Variants in LINGO2 observed in about 807,000 individuals in gnomAD.
The protein encoded by LINGO2 is leucine rich repeat and Ig domain containing 2.
LINGO2 carries 14 observed loss-of-function variants against 30.6 expected under a neutral mutation model. That is an observed-to-expected ratio of 0.46 (90% CI 0.30 to 0.72). The LOEUF is 0.72. Ranked by LOEUF, LINGO2 falls within the 30% of genes least tolerant of loss-of-function variation. LINGO2 has a pLI of 0.07. For missense variants in LINGO2, 729 were observed against 751.7 expected, an observed-to-expected ratio of 0.97 and a Z score of 0.35; for synonymous variants, 317 against 288.5, an observed-to-expected ratio of 1.10 and a Z score of -1.00.
At chr9:28,700,698 A>G in the LINGO2 span, among the ~76,000 whole-genome samples, 1 of 152,150 alleles carries the variant, frequency 6.6e-6, no homozygotes, top group Non-Finnish European at 1.5e-5. Context: ...GTATGGTAAG[A>G]TATGTTTCAT....
the LINGO2 span, among the ~76,000 whole-genome samples, chr9:28,801,206 C>T: frequency 6.6e-6 from 1 of 151,984 alleles, no homozygotes; most frequent in Admixed American, 6.6e-5. Context: ...AATGGTGAGG[C>T]TTAGAGATTT....
chr9:28,671,494 T>C (rs1829007372), upstream of LINGO2, among the ~76,000 whole-genome samples: 1 of 130,270 alleles, frequency 7.7e-6, no homozygotes, highest in Non-Finnish European at 1.6e-5. Context: ...TGGACAGAGC[T>C]GGAGGCCATT....
upstream of LINGO2, among the ~76,000 whole-genome samples, chr9:28,670,705 T>A (rs1015694172): frequency 6.6e-6 from 1 of 152,154 alleles, no homozygotes; most frequent in Non-Finnish European, 1.5e-5. Flanking sequence ...TTTTAGCAAA[T>A]ATCCTTACTT....
the LINGO2 span, among the ~76,000 whole-genome samples, chr9:29,173,879 T>G: frequency 6.6e-6 from 1 of 152,234 alleles, no homozygotes; most frequent in East Asian, 1.9e-4. Flanking sequence ...AGAGTAAATT[T>G]GTACCTTATT....
At position 28,357,324 on chromosome 9, in the gene LINGO2, C is replaced by G. The variant is rs1013884581; in HGVS notation, c.-246+15512G>C. 8.9e-5 allele frequency among the ~76,000 whole-genome samples: 13 copies of G among 146,066 alleles called. 1 individual carries two copies. The East Asian group carries it at 1.1e-3, about 12-fold the overall frequency. On this transcript the variant is annotated intron_variant, in intron 3 of 5. Coordinates refer to ENST00000379992, the Ensembl canonical transcript of LINGO2. ...CAGATACAGAAATAAAGCCCACCCC[C>G]CCCAAAAAAGAAAGCACCAATACTT...
chr9:28,600,445 G>T (rs1824652165), intron 1 of LINGO2, among the ~76,000 whole-genome samples: 1 of 151,980 alleles, frequency 6.6e-6, no homozygotes, highest in Admixed American at 6.6e-5. Flanking sequence ...CCTAGAAAAA[G>T]GAAGCAATGT....
intron 1 of LINGO2, among the ~76,000 whole-genome samples, chr9:28,479,531 G>A (rs964753485): frequency 6.6e-6 from 1 of 151,778 alleles, no homozygotes; most frequent in Non-Finnish European, 1.5e-5. Context: ...TACTGCCAAA[G>A]ATCTTTCTGA....
chr9:29,213,364 G>C, the LINGO2 span, among the ~76,000 whole-genome samples: 5 of 152,258 alleles, frequency 3.3e-5, no homozygotes, highest in African/African-American at 9.6e-5. Context: ...AGGCGGAAAG[G>C]TGTAAGAAGA....
intron 1 of LINGO2, among the ~76,000 whole-genome samples, chr9:28,574,477 C>T (rs920701966): frequency 6.6e-6 from 1 of 152,106 alleles, no homozygotes; most frequent in South Asian, 2.1e-4. Context: ...GTCTATGACA[C>T]TAATGTTGTT....
chr9:28,357,686 A>G (rs1394448217), intron 3 of LINGO2, among the ~76,000 whole-genome samples: 3 of 152,106 alleles, frequency 2.0e-5, no homozygotes, highest in Admixed American at 6.6e-5. Flanking sequence ...TCAACTAATA[A>G]TGAGGCATCA....
chr9:27,943,691 C>A (rs1246685503), downstream of LINGO2: 2 of 151,276 alleles, frequency 1.3e-5, no homozygotes, highest in Non-Finnish European at 1.5e-5. Context: ...AAGACTTATC[C>A]CTGGAGAGAG....
the LINGO2 span, among the ~76,000 whole-genome samples, chr9:28,990,205 C>T: frequency 2.0e-5 from 3 of 152,212 alleles, no homozygotes; most frequent in African/African-American, 7.2e-5. Context: ...AGATTATATC[C>T]CGCATCCGGC....
At chr9:28,577,016 C>G (rs1259660110) in intron 1 of LINGO2, among the ~76,000 whole-genome samples, 1 of 152,090 alleles carries the variant, frequency 6.6e-6, no homozygotes. Flanking sequence ...GCCTTTAACC[C>G]CCAAACTGCC....
At chr9:29,079,468 A>G in the LINGO2 span, among the ~76,000 whole-genome samples, 1 of 152,020 alleles carries the variant, frequency 6.6e-6, no homozygotes, top group African/African-American at 2.4e-5. Flanking sequence ...TGTGATATTA[A>G]TATCTAGATA....
chr9:29,045,993 G>T, the LINGO2 span, among the ~76,000 whole-genome samples: 3 of 152,116 alleles, frequency 2.0e-5, no homozygotes, highest in Non-Finnish European at 4.4e-5. Context: ...TTTGTATCCT[G>T]CAACTTTGCT....
chr9:29,119,335 A>G, the LINGO2 span, among the ~76,000 whole-genome samples: 4 of 150,998 alleles, frequency 2.6e-5, no homozygotes, highest in Admixed American at 2.7e-4. Flanking sequence ...GACTCAGCTC[A>G]ACAGCACACA....
At chr9:29,101,434 A>G in the LINGO2 span, among the ~76,000 whole-genome samples, 35,894 of 152,098 alleles carry the variant, frequency 0.24, 4,371 homozygotes, top group East Asian at 0.4. Context: ...AAAATTGTCA[A>G]TAGATTAGTG....
At chr9:28,003,509 A>T (rs1822090138) in intron 5 of LINGO2, among the ~76,000 whole-genome samples, 1 of 152,140 alleles carries the variant, frequency 6.6e-6, no homozygotes, top group South Asian at 2.1e-4. Context: ...CCCAGGCTGG[A>T]GTACAGTGGC....
At chr9:28,617,501 T>C (rs1278763064) in intron 1 of LINGO2, among the ~76,000 whole-genome samples, 3 of 152,080 alleles carry the variant, frequency 2.0e-5, no homozygotes, top group Non-Finnish European at 4.4e-5. Context: ...TTCACCGTGT[T>C]AGTCAGGATG....
Sources: allele counts gnomAD v4.1 joint callset (sites outside exome capture counted in the v4.1 genomes callset), GRCh38; gene constraint gnomAD v4.1.1; transcripts MANE v1.5; gene names NCBI Gene and HGNC (gene_info 2026-07-23, HGNC 2026-07-21).